KAT6B: variants seen among roughly 807,000 people sequenced by gnomAD.
KAT6B encodes the protein histone acetyltransferase KAT6B.
In KAT6B, 10 loss-of-function variants were observed where a neutral mutation model predicts 187.5. The observed-to-expected ratio is 0.05, with a 90% CI of 0.03 to 0.09. KAT6B has a LOEUF of 0.09. Ranked by LOEUF, KAT6B falls within the 10% of genes least tolerant of loss-of-function variation. The pLI, the probability that KAT6B is intolerant of heterozygous loss-of-function variation, is 1.00. For synonymous variants in KAT6B, 861 were observed against 926.8 expected, an observed-to-expected ratio of 0.93 and a Z score of 1.29; for missense variants, 1,952 against 2,558.9, an observed-to-expected ratio of 0.76 and a Z score of 5.12.
At chr10:74,940,682 A>G (rs1459306658) in intron 3 of KAT6B, among the ~76,000 whole-genome samples, 1 of 151,928 alleles carries the variant, frequency 6.6e-6, no homozygotes, top group African/African-American at 2.4e-5. Context: ...CTGGGCTTCA[A>G]GCAATCCTCC....
intron 13 of KAT6B, among the ~76,000 whole-genome samples, chr10:75,007,856 T>C (rs954694694): frequency 9.9e-5 from 15 of 152,202 alleles, no homozygotes; most frequent in Non-Finnish European, 1.9e-4. Flanking sequence ...ATCCTACTAG[T>C]CATGTTTTAA....
intron 13 of KAT6B, among the ~76,000 whole-genome samples, chr10:74,990,031 T>TA (rs565106192): frequency 1.2e-3 from 180 of 151,190 alleles, no homozygotes; most frequent in African/African-American, 4.1e-3. Context: ...CCATCTCTAC[T>TA]AAAAAATACA....
At chr10:74,845,963 A>C (rs1842072725) in intron 3 of KAT6B, among the ~76,000 whole-genome samples, 1 of 151,618 alleles carries the variant, frequency 6.6e-6, no homozygotes, top group African/African-American at 2.4e-5. Context: ...TCCCGGGTTC[A>C]AGTGATGCTC....
rs757938159 is a variant in KAT6B at position 75,028,859 on chromosome 10, T to C, written c.4035T>C (p.Asp1345=). The part of the protein sequence containing the change: ...PNTSPGEKPE[D]DLIKPEEEEE... ...CATCACCAGGTGAAAAACCAGAAGA[T>C]GATCTCATCAAACCTGAGGAAGAGG... Residue 1345 remains aspartate (D), a synonymous_variant, in exon 18 of 18, where the codon GAT becomes GAC. Coordinates refer to ENST00000287239, the MANE Select transcript of KAT6B (RefSeq NM_012330.4). The C allele has an allele frequency of 1.9e-6, 3 of 1,609,012 alleles. No homozygotes were observed. The highest frequency in any genetic ancestry group is 2.2e-5 in the South Asian group (2 of 90,908).
At chr10:74,918,012 A>AT (rs1009005179) in intron 3 of KAT6B, among the ~76,000 whole-genome samples, 1 of 152,108 alleles carries the variant, frequency 6.6e-6, no homozygotes. Context: ...TTTGGCTTAA[A>AT]TTTTTTTTAA....
intron 3 of KAT6B, among the ~76,000 whole-genome samples, chr10:74,845,842 C>A (rs575848068): frequency 3.9e-4 from 57 of 147,258 alleles, no homozygotes; most frequent in African/African-American, 1.3e-3. Context: ...CATGGAAAGG[C>A]AAACCACCTG....
chr10:74,966,998 C>G (rs1350313682), intron 4 of KAT6B, among the ~76,000 whole-genome samples: 3 of 152,090 alleles, frequency 2.0e-5, no homozygotes, highest in Admixed American at 1.3e-4. Flanking sequence ...CCACCGCACT[C>G]CAGCCTGGGC....
At chr10:74,903,774 A>G (rs1846561286) in intron 3 of KAT6B, among the ~76,000 whole-genome samples, 2 of 152,184 alleles carry the variant, frequency 1.3e-5, no homozygotes, top group African/African-American at 4.8e-5. Flanking sequence ...TAAGACTAAT[A>G]TAGTCCAGGG....
chr10:74,971,193 T>G (rs1841828702), intron 6 of KAT6B, among the ~76,000 whole-genome samples: 1 of 152,232 alleles, frequency 6.6e-6, no homozygotes, highest in Non-Finnish European at 1.5e-5. Context: ...AACCAGTCCC[T>G]TAGGGTGGAT....
At chr10:74,955,446 C>T (rs116628812) in intron 3 of KAT6B, among the ~76,000 whole-genome samples, 511 of 131,836 alleles carry the variant, frequency 3.9e-3, no homozygotes, top group African/African-American at 0.012. Flanking sequence ...ATAGAATGAA[C>T]ACCCATATGC....
At chr10:74,976,545 C>T (rs1842174464) in intron 8 of KAT6B, 1 of 608,376 alleles carries the variant, frequency 1.6e-6, no homozygotes, top group Admixed American at 2.8e-5. Flanking sequence ...TACTCTCCCA[C>T]CTTTTATTAT....
intron 3 of KAT6B, among the ~76,000 whole-genome samples, chr10:74,876,319 TA>T (rs1844413992): frequency 6.6e-6 from 1 of 152,204 alleles, no homozygotes; most frequent in Non-Finnish European, 1.5e-5. Context: ...AGATTCTTTA[TA>T]TAAGTGCTCT....
intron 3 of KAT6B, among the ~76,000 whole-genome samples, chr10:74,851,307 C>T (rs1397078247): frequency 6.7e-6 from 1 of 149,594 alleles, no homozygotes; most frequent in Non-Finnish European, 1.5e-5. Context: ...CAGGGTTTCA[C>T]CATGTTGGTC....
chr10:75,004,536 A>T (rs1844071366), intron 13 of KAT6B, among the ~76,000 whole-genome samples: 1 of 152,206 alleles, frequency 6.6e-6, no homozygotes, highest in African/African-American at 2.4e-5. Context: ...GGACATAAGG[A>T]TGAATGATTT....
At chr10:74,927,605 C>T (rs1848599811) in intron 3 of KAT6B, among the ~76,000 whole-genome samples, 1 of 152,066 alleles carries the variant, frequency 6.6e-6, no homozygotes, top group Non-Finnish European at 1.5e-5. Flanking sequence ...GGGGCAGCCT[C>T]AAAGGGCTCT....
intron 11 of KAT6B, chr10:74,984,866 A>G (rs1234883104): frequency 5.3e-6 from 3 of 566,748 alleles, no homozygotes; most frequent in East Asian, 3.1e-5. Context: ...ACTACCTTAA[A>G]TGTACCCTAA....
intron 3 of KAT6B, among the ~76,000 whole-genome samples, chr10:74,922,656 T>A (rs566903039): frequency 1.2e-3 from 186 of 152,334 alleles, no homozygotes; most frequent in African/African-American, 4.2e-3. Context: ...GATGATCTGA[T>A]TCTAATGTGA....
chr10:75,013,269 G>A (rs1844739840), intron 13 of KAT6B, among the ~76,000 whole-genome samples: 1 of 152,154 alleles, frequency 6.6e-6, no homozygotes, highest in Non-Finnish European at 1.5e-5. Context: ...TTGAAGTTAA[G>A]GACTAAGGGG....
chr10:74,976,577 C>T, intron 8 of KAT6B: 1 of 554,116 alleles, frequency 1.8e-6, no homozygotes. Flanking sequence ...CGTAGTGACA[C>T]TAGGACCCCC....
Sources: allele counts gnomAD v4.1 joint callset (sites outside exome capture counted in the v4.1 genomes callset), GRCh38; gene constraint gnomAD v4.1.1; transcripts MANE v1.5; gene names NCBI Gene and HGNC (gene_info 2026-07-23, HGNC 2026-07-21).